BRWD1: variants seen among roughly 807,000 people sequenced by gnomAD.
BRWD1 encodes the protein bromodomain and WD repeat domain containing 1, also known as bromodomain and WD repeat-containing protein 1.
In BRWD1, 82 loss-of-function variants were observed where a neutral mutation model predicts 251.2. The observed-to-expected ratio is 0.33, with a 90% confidence interval of 0.27 to 0.39. The LOEUF (loss-of-function observed/expected upper bound fraction) is 0.39. Among genes scored for constraint, BRWD1 ranks in the 10% least tolerant of loss-of-function variants. The probability of loss-of-function intolerance (pLI) is 1.00; values close to 1 mark genes in which losing one functional copy is unlikely to be tolerated. For synonymous variants in BRWD1, 918 were observed against 902.8 expected (o/e 1.02, Z -0.30); for missense variants, 2,233 against 2,711.6 (o/e 0.82, Z 3.92).
chr21:39,214,427 GTAACA>G (rs2032795638), intron 32 of BRWD1, among the ~76,000 whole-genome samples: 2 of 151,824 alleles, frequency 1.3e-5, no homozygotes, highest in African/African-American at 2.4e-5. Context: ...TATAAAATAA[GTAACA>G]TAACTATACT....
At chr21:39,228,418 A>T in intron 27 of BRWD1, 82 bp downstream of exon 27, 1 of 884,168 alleles carries the variant, frequency 1.1e-6, no homozygotes, top group Non-Finnish European at 1.8e-6. Flanking sequence ...TACTATAATT[A>T]AGAGTCCCAC....
chr21:39,292,140 G>GGGGT (rs2035834573), intron 8 of BRWD1, among the ~76,000 whole-genome samples: 1 of 93,256 alleles, frequency 1.1e-5, no homozygotes. Flanking sequence ...GGTGGGGGGG[G>GGGGT]GGGTCTCACT....
chr21:39,232,265 C>T lies in BRWD1; in HGVS notation c.2912G>A (p.Gly971Asp). The T allele has an allele frequency of 6.2e-7, 1 of 1,612,796 alleles. No individual in the cohort carries two copies. The highest frequency in any genetic ancestry group is 8.5e-7 in the Non-Finnish European group (1 of 1,179,358). Residue 971 changes from glycine to aspartate, a missense_variant, in exon 25 of 41, where the codon GGT (glycine) becomes GAT (aspartate). Physicochemically the swap from Gly to Asp is moderately conservative, Grantham distance 94. Around this residue, in one of 12 missense-constraint regions of BRWD1, gnomAD observed 139 missense variants for 272.8 expected, o/e 0.51. Coordinates refer to ENST00000342449, the MANE Select transcript of BRWD1 (RefSeq NM_033656.4). ...TACAGCCTCAATATAAGCTTCATGA[C>T]CCTGTCGAAAATATATTACCTACAA... ...MGDEVIYFRQ[G>D]HEAYIEAVRR...
At chr21:39,229,240 C>T (rs751533077) in intron 26 of BRWD1, 72 bp downstream of exon 26, 465 of 1,287,778 alleles carry the variant, frequency 3.6e-4, no homozygotes, top group Non-Finnish European at 4.7e-4. Context: ...ATGGGAAGGG[C>T]ATGCTAATCA....
At position 39,199,031 on chromosome 21, in the gene BRWD1, T is replaced by C; in HGVS notation, c.5385A>G (p.Pro1795=). 6.2e-7 allele frequency: 1 copy of C among 1,614,212 alleles called. No homozygotes were observed. Among genetic ancestry groups the C allele is most frequent in the East Asian group, 2.2e-5 (1 of 44,888 alleles). Residue 1795 remains proline (P), a synonymous_variant, in exon 40 of 41, where the codon CCA becomes CCG. Coordinates refer to ENST00000342449, the MANE Select transcript of BRWD1 (RefSeq NM_033656.4). ...TGTATTTCCTACCACCAGATCTTCC[T>C]GGTTCAGAATCTGCTTCCTCTGAGA... ...ESISEEADSE[P]GRSGGRKYNT...
chr21:39,308,936 G>A (rs577272058), intron 4 of BRWD1, among the ~76,000 whole-genome samples: 2 of 152,260 alleles, frequency 1.3e-5, no homozygotes, highest in African/African-American at 4.8e-5. Context: ...AGCACTTTGG[G>A]AGGCCGAGGC....
intron 28 of BRWD1, 25 bp downstream of exon 28, chr21:39,225,061 G>T (rs113267832): frequency 1.0e-5 from 15 of 1,429,568 alleles, no homozygotes; most frequent in Non-Finnish European, 1.4e-5. Flanking sequence ...ACTGGGAAAT[G>T]ATTAGTTTTC....
At chr21:39,201,088 C>G (rs1484575135) in intron 38 of BRWD1, among the ~76,000 whole-genome samples, 1 of 152,226 alleles carries the variant, frequency 6.6e-6, no homozygotes, top group East Asian at 1.9e-4. Flanking sequence ...TCCAGCATTT[C>G]AGAAGACATA....
Position 39,265,030 on chromosome 21 carries a change from CAAA to C in BRWD1, c.1531-14_1531-12del. On this transcript the variant is annotated splice_polypyrimidine_tract_variant and intron_variant, in intron 15 of 40. Transcript: ENST00000342449. ...TCCTTGTCCTTCAATCTAGGAAACA[CAAA>C]AGGAAAAAAGTTAGGACCAATTCTA... The C allele has an allele frequency of 6.3e-7, 1 of 1,592,890 alleles. No homozygotes were observed. The highest frequency in any genetic ancestry group is 8.5e-7 in the Non-Finnish European group (1 of 1,172,848).
upstream of BRWD1, chr21:39,314,714 C>T (rs905428405): frequency 2.0e-5 from 5 of 255,140 alleles, no homozygotes; most frequent in Non-Finnish European, 3.9e-5. Flanking sequence ...AATTCTGATT[C>T]TTACTCATGG....
chr21:39,208,144 T>G (rs1214704385), intron 36 of BRWD1, among the ~76,000 whole-genome samples: 10 of 152,214 alleles, frequency 6.6e-5, no homozygotes. Flanking sequence ...TAACCATAGT[T>G]TTGAACAACT....
In BRWD1 at chr21:39,198,984, C is replaced by T. The variant is rs373690192; in HGVS notation, c.5432G>A (p.Ser1811Asn). ...RKYNTFHKNA[S>N]FFKKTKILSD... ...CAGAATCTTGGTTTTTTTAAAGAAA[C>T]TCGCATTCTTGTGAAATGTATTGTA... Residue 1811 changes from serine (S) to asparagine (N), a missense_variant, in exon 40 of 41, where the codon AGT (serine) becomes AAT (asparagine). Transcript: ENST00000342449. The T allele has an allele frequency of 1.9e-6, 3 of 1,613,880 alleles. No individual in the cohort carries two copies. Among genetic ancestry groups the T allele is most frequent in the African/African-American group, 1.3e-5 (1 of 74,868 alleles).
chr21:39,200,519 A>AT, intron 38 of BRWD1, 133 bp from the exon 39 acceptor site: 1 of 752,286 alleles, frequency 1.3e-6, no homozygotes, highest in Non-Finnish European at 1.9e-6. Context: ...CTTAGAATAT[A>AT]TTTTTTAAAA....
Position 39,296,367 on chromosome 21 carries a change from TA to T in BRWD1, c.350-5del, listed in dbSNP as rs1453533744. On this transcript the variant is annotated splice_polypyrimidine_tract_variant and splice_region_variant and intron_variant, in intron 5 of 40. Transcript: ENST00000342449. ...TTCCAAACTGTGTGCCTGCAGTCTT[TA>T]AAATGAATTTTAGATACACATAAAA... 3 of 1,557,932 alleles carry T rather than the reference TA, an allele frequency of 1.9e-6. No homozygotes were observed. Among genetic ancestry groups the T allele is most frequent in the Non-Finnish European group, 2.6e-6 (3 of 1,157,988 alleles).
chr21:39,312,293 G>A (rs748467350), intron 4 of BRWD1, among the ~76,000 whole-genome samples: 24 of 152,318 alleles, frequency 1.6e-4, no homozygotes, highest in Non-Finnish European at 3.1e-4. Flanking sequence ...CAGTAGAAAG[G>A]AGCACAAGCA....
Position 39,313,492 on chromosome 21 carries a change from G to T in BRWD1, c.-1C>A. 7.5e-7 allele frequency: 1 copy of T among 1,338,966 alleles called. No individual in the cohort carries two copies. Among genetic ancestry groups the T allele is most frequent in the Non-Finnish European group, 9.5e-7 (1 of 1,051,906 alleles). 82.9% of individuals were successfully genotyped at this position (1,338,966 alleles called of 1,614,324 possible). On this transcript the variant is annotated 5_prime_UTR_variant, in exon 1 of 41. Transcript: ENST00000342449. ...GTCGGGCGGACGACGGCTCCGCCAT[G>T]GCCGGGCGCGGGGCGGGAGGCGGGA...
At chr21:39,284,512 A>T (rs779834351) in intron 8 of BRWD1, among the ~76,000 whole-genome samples, 1 of 151,876 alleles carries the variant, frequency 6.6e-6, no homozygotes, top group Non-Finnish European at 1.5e-5. Flanking sequence ...ACTGTTTCCC[A>T]TAATAGTTGT....
At chr21:39,271,289 T>C (rs920178370) in intron 13 of BRWD1, among the ~76,000 whole-genome samples, 1 of 147,098 alleles carries the variant, frequency 6.8e-6, no homozygotes, top group Non-Finnish European at 1.5e-5. Context: ...AAGACTACGT[T>C]CTCAAAAAAT....
intron 21 of BRWD1, among the ~76,000 whole-genome samples, chr21:39,247,046 G>C (rs562258955): frequency 6.6e-6 from 1 of 151,454 alleles, no homozygotes; most frequent in Admixed American, 6.6e-5. Context: ...CCACTGCACT[G>C]CAGCCAGGCA....
Sources: allele counts gnomAD v4.1 joint callset (sites outside exome capture counted in the v4.1 genomes callset), GRCh38; gene constraint gnomAD v4.1.1; regional missense constraint gnomAD v4.1.1; transcripts MANE v1.5; gene names NCBI Gene and HGNC (gene_info 2026-07-23, HGNC 2026-07-21).